Variants in SP100 observed in about 807,000 individuals in gnomAD.
SP100 encodes SP100 nuclear body protein, also known as nuclear autoantigen Sp-100.
Under a neutral mutation model 130.0 loss-of-function variants are expected in SP100, and 84 were observed. That is an observed-to-expected ratio of 0.65 (90% CI 0.54 to 0.77). SP100 has a LOEUF of 0.77. Ranked by LOEUF, SP100 falls within the 30% of genes least tolerant of loss-of-function variation. The probability of loss-of-function intolerance (pLI) is 0.00; values close to 1 mark genes in which losing one functional copy is unlikely to be tolerated. For synonymous variants in SP100, 331 were observed against 351.7 expected (o/e 0.94, Z 0.66); for missense variants, 978 against 1,052.2 (o/e 0.93, Z 0.97).
At chr2:230,498,740 C>T (rs1036378883) in intron 19 of SP100, among the ~76,000 whole-genome samples, 10 of 152,146 alleles carry the variant, frequency 6.6e-5, no homozygotes, top group African/African-American at 2.4e-4. Flanking sequence ...CAACCATACC[C>T]CAGGGCCCAG....
chr2:230,437,760 G>A (rs1350308828), intron 2 of SP100, among the ~76,000 whole-genome samples: 7 of 152,048 alleles, frequency 4.6e-5, no homozygotes, highest in Non-Finnish European at 4.4e-5. Context: ...ATTTCACTAT[G>A]TTGGTCAGGC....
chr2:230,417,763 C>A, intron 2 of SP100, 98 bp downstream of exon 2: 3 of 1,495,176 alleles, frequency 2.0e-6, no homozygotes, highest in Non-Finnish European at 2.7e-6. Flanking sequence ...TAAATTCCCT[C>A]TTCTATAAAT....
At chr2:230,499,662 G>A (rs1239000560) in intron 19 of SP100, among the ~76,000 whole-genome samples, 1 of 150,272 alleles carries the variant, frequency 6.7e-6, no homozygotes, top group Non-Finnish European at 1.5e-5. Context: ...CATCCACAAG[G>A]TCTGCACCAG....
intron 8 of SP100, 96 bp from the exon 9 acceptor site, chr2:230,461,166 C>A (rs913202347): frequency 1.7e-6 from 2 of 1,185,814 alleles, no homozygotes; most frequent in Non-Finnish European, 2.4e-6. Flanking sequence ...GAAGGTCTAG[C>A]CCCAGCAGTG....
At chr2:230,422,236 TAA>T (rs1358872158) in intron 2 of SP100, among the ~76,000 whole-genome samples, 1 of 152,220 alleles carries the variant, frequency 6.6e-6, no homozygotes, top group Admixed American at 6.5e-5. Context: ...AAATTTTTTT[TAA>T]ATTTTACGTT....
At position 230,469,919 on chromosome 2, in the gene SP100, A is replaced by G. The variant is rs184754847; in HGVS notation, c.1346-96A>G. 1.8e-5 allele frequency: 27 copies of G among 1,513,328 alleles called. No individual in the cohort carries two copies. In the Admixed American group the frequency reaches 5.8e-4, roughly 33 times the overall value. The allele number at this position is 1,513,328 out of a possible 1,614,324, so 93.7% of individuals were successfully genotyped here. ...GTGGGACTATTTCTCCCCCTCCTCCACAAGCTTCTCTTGTTCAGTTTTGCT... is the reference window on the plus strand; with the variant it reads ...GTGGGACTATTTCTCCCCCTCCTCCGCAAGCTTCTCTTGTTCAGTTTTGCT... On this transcript the variant is annotated intron_variant, in intron 14 of 28. Coordinates refer to ENST00000340126, the MANE Select transcript of SP100 (RefSeq NM_001080391.2).
intron 19 of SP100, among the ~76,000 whole-genome samples, chr2:230,502,307 C>A (rs2067082504): frequency 6.6e-6 from 1 of 152,198 alleles, no homozygotes; most frequent in Non-Finnish European, 1.5e-5. Context: ...AGTCCTTGGT[C>A]ATTTTCCTCA....
chr2:230,502,551 G>A (rs1448249305), intron 19 of SP100, among the ~76,000 whole-genome samples: 1 of 152,196 alleles, frequency 6.6e-6, no homozygotes, highest in African/African-American at 2.4e-5. Flanking sequence ...TCGGTTAATA[G>A]AGGCAAAGAT....
intron 1 of SP100, chr2:230,416,667 C>T (rs1286836226): frequency 1.1e-6 from 1 of 906,800 alleles, no homozygotes; most frequent in South Asian, 4.1e-5. Context: ...ACCCCTCAGC[C>T]TTCCTCTACC....
rs35350531 is a variant in SP100, at chr2:230,425,801, A to ATT, written c.107+8146_107+8147dup. Among the ~76,000 whole-genome samples, 134 of 148,136 alleles carry ATT rather than the reference A, an allele frequency of 9.0e-4. 1 individual carries two copies. The highest frequency in any genetic ancestry group is 1.2e-3 in the Non-Finnish European group (83 of 66,748). On this transcript the variant is annotated intron_variant, in intron 2 of 28. Coordinates refer to ENST00000340126, the MANE Select transcript of SP100 (RefSeq NM_001080391.2). ...AGTTTGGAACTGTTCCTTGCTCTTAATTTTTTTTTTTGGAAGAGTTTTAGA... is the reference window on the plus strand; with the variant it reads ...AGTTTGGAACTGTTCCTTGCTCTTAATTTTTTTTTTTTTGGAAGAGTTTTAGA...
chr2:230,501,215 C>T (rs909730091), intron 19 of SP100, among the ~76,000 whole-genome samples: 1 of 152,116 alleles, frequency 6.6e-6, no homozygotes, highest in Non-Finnish European at 1.5e-5. Context: ...TGCACTCCAG[C>T]CTGAGCAACA....
intron 2 of SP100, among the ~76,000 whole-genome samples, chr2:230,441,996 G>C (rs1457144754): frequency 6.6e-6 from 1 of 152,060 alleles, no homozygotes; most frequent in Non-Finnish European, 1.5e-5. Flanking sequence ...TTGTCATTGT[G>C]AATCTAATTC....
chr2:230,426,999 T>G (rs1224493104), intron 2 of SP100, among the ~76,000 whole-genome samples: 4 of 152,244 alleles, frequency 2.6e-5, no homozygotes, highest in African/African-American at 7.2e-5. Context: ...CTTTATATAT[T>G]GATCTTCTGT....
intron 15 of SP100, among the ~76,000 whole-genome samples, chr2:230,472,167 G>A (rs1434995156): frequency 6.6e-6 from 1 of 152,106 alleles, no homozygotes; most frequent in Non-Finnish European, 1.5e-5. Context: ...AGTGACTCAT[G>A]CCTGTAATCC....
chr2:230,488,541 G>A (rs2066233039), intron 17 of SP100, among the ~76,000 whole-genome samples: 2 of 152,102 alleles, frequency 1.3e-5, no homozygotes, highest in Non-Finnish European at 2.9e-5. Flanking sequence ...AGCCTCCCAA[G>A]TAGCTGGGAC....
At chr2:230,508,288 T>C (rs941311680) in intron 23 of SP100, 17 of 417,610 alleles carry the variant, frequency 4.1e-5, no homozygotes, top group Non-Finnish European at 6.5e-5. Flanking sequence ...ATGTGTTTTT[T>C]AGTAAAGGAG....
intron 24 of SP100, among the ~76,000 whole-genome samples, chr2:230,519,198 A>C (rs1691055701): frequency 6.6e-6 from 1 of 152,206 alleles, no homozygotes; most frequent in Non-Finnish European, 1.5e-5. Flanking sequence ...GAAGTCCAGC[A>C]GGGCATTTAA....
intron 10 of SP100, 32 bp downstream of exon 10, chr2:230,462,550 T>G: frequency 6.7e-7 from 1 of 1,502,972 alleles, no homozygotes; most frequent in Non-Finnish European, 9.3e-7. Flanking sequence ...AGGCTTGGGC[T>G]GTGGGAATCT....
intron 17 of SP100, among the ~76,000 whole-genome samples, chr2:230,484,879 A>G (rs1313341352): frequency 6.6e-6 from 1 of 151,764 alleles, no homozygotes; most frequent in Non-Finnish European, 1.5e-5. Context: ...GTTTAATTCA[A>G]CTGGTGTCTT....
Sources: gnomAD v4.1 joint callset for allele counts (sites outside exome capture counted in the v4.1 genomes callset) on GRCh38, gnomAD v4.1.1 for gene constraint, MANE v1.5 for transcripts, NCBI Gene and HGNC (gene_info 2026-07-23, HGNC 2026-07-21) for gene names.